Variants in USH2A observed in about 807,000 individuals in gnomAD.
USH2A encodes usherin.
Under a neutral mutation model 538.9 loss-of-function variants are expected in USH2A, and 443 were observed. The observed-to-expected ratio is 0.82, with a 90% CI of 0.76 to 0.89. The LOEUF is 0.89. Among genes scored for constraint, USH2A ranks in the 40% least tolerant of loss-of-function variants. USH2A has a pLI of 0.00. For missense variants in USH2A, 6,633 were observed against 6,324.8 expected, an observed-to-expected ratio of 1.05 and a Z score of -1.65; for synonymous variants, 2,413 against 2,273.5, an observed-to-expected ratio of 1.06 and a Z score of -1.75.
chr1:215,857,908 C>T (rs956133804), intron 44 of USH2A, among the ~76,000 whole-genome samples: 1 of 152,152 alleles, frequency 6.6e-6, no homozygotes, highest in South Asian at 2.1e-4. Context: ...GACTTCCCAT[C>T]CCACTGTAGC....
At chr1:216,245,470 TGAGA>T (rs10535828) in intron 13 of USH2A, among the ~76,000 whole-genome samples, 16,487 of 113,940 alleles carry the variant, frequency 0.14, 1,174 homozygotes, top group Non-Finnish European at 0.17. Context: ...AGTCCCCTTC[TGAGA>T]GAGAGAGAGA....
chr1:216,216,183 C>T (rs1049356922), intron 15 of USH2A, among the ~76,000 whole-genome samples: 20 of 151,986 alleles, frequency 1.3e-4, no homozygotes, highest in Admixed American at 2.6e-4. Context: ...CAATGAAGTC[C>T]AGATTTATGT....
intron 38 of USH2A, among the ~76,000 whole-genome samples, chr1:215,902,894 T>C (rs1665538429): frequency 6.6e-6 from 1 of 152,116 alleles, no homozygotes; most frequent in South Asian, 2.1e-4. Flanking sequence ...ATAGGAGTTG[T>C]AGCCTTCATA....
rs531432524 is a variant in USH2A at position 216,328,615 on chromosome 1, A to T, written c.785-961T>A. 9.8e-4 allele frequency among the ~76,000 whole-genome samples: 149 copies of T among 152,158 alleles called. 1 individual carries two copies. The highest frequency in any genetic ancestry group is 3.4e-3 in the African/African-American group (143 of 41,546). The stretch of plus-strand genomic sequence containing the variant: ...ACTCTGTCTTGATAGAGTTTTAAAG[A>T]ATGTTTGATTTATGTTTTCTGCTGC... On this transcript the variant is annotated intron_variant, in intron 4 of 71. Transcript: ENST00000307340.
intron 21 of USH2A, among the ~76,000 whole-genome samples, chr1:216,172,620 C>T (rs2034294113): frequency 6.6e-6 from 1 of 152,022 alleles, no homozygotes; most frequent in African/African-American, 2.4e-5. Context: ...GCCCATTTCA[C>T]ATAATGTTAT....
At chr1:216,219,402 G>A (rs1378611820) in intron 14 of USH2A, among the ~76,000 whole-genome samples, 1 of 151,950 alleles carries the variant, frequency 6.6e-6, no homozygotes, top group Non-Finnish European at 1.5e-5. Flanking sequence ...TTGTAATTAA[G>A]GATTAAGCAA....
chr1:216,400,529 T>C (rs2039288080), intron 3 of USH2A, among the ~76,000 whole-genome samples: 1 of 152,030 alleles, frequency 6.6e-6, no homozygotes, highest in Non-Finnish European at 1.5e-5. Flanking sequence ...CAAGAAAGAA[T>C]GTCTGAAAAT....
At chr1:216,282,000 T>A (rs959557812) in intron 11 of USH2A, among the ~76,000 whole-genome samples, 1 of 151,806 alleles carries the variant, frequency 6.6e-6, no homozygotes, top group African/African-American at 2.4e-5. Flanking sequence ...TAATTTTATA[T>A]CTTCCTTAGA....
intron 47 of USH2A, among the ~76,000 whole-genome samples, chr1:215,822,595 G>A (rs543296379): frequency 6.6e-6 from 1 of 151,888 alleles, no homozygotes; most frequent in East Asian, 1.9e-4. Flanking sequence ...ATCCCTTTCC[G>A]ATTTGGATGC....
intron 35 of USH2A, among the ~76,000 whole-genome samples, chr1:215,979,969 T>C (rs145132818): frequency 2.4e-4 from 37 of 152,164 alleles, no homozygotes; most frequent in African/African-American, 8.4e-4. Flanking sequence ...AAAATCTTAG[T>C]TGTGATATTG....
At chr1:215,630,388 A>G (rs1485311254) in intron 70 of USH2A, 5 of 407,362 alleles carry the variant, frequency 1.2e-5, no homozygotes, top group Non-Finnish European at 2.5e-5. Flanking sequence ...ATCCTAGGAT[A>G]CATACCTGCA....
intron 32 of USH2A, among the ~76,000 whole-genome samples, chr1:216,020,773 C>T (rs1184850740): frequency 6.6e-6 from 1 of 152,116 alleles, no homozygotes; most frequent in East Asian, 1.9e-4. Context: ...TCAATCATGC[C>T]TATGTCATGA....
intron 21 of USH2A, among the ~76,000 whole-genome samples, chr1:216,149,995 A>G (rs1336827367): frequency 6.6e-6 from 1 of 152,128 alleles, no homozygotes; most frequent in African/African-American, 2.4e-5. Flanking sequence ...TCTGAAGAAC[A>G]GTAATAACCC....
chr1:216,330,664 G>A (rs2037841623), intron 4 of USH2A, among the ~76,000 whole-genome samples: 2 of 152,002 alleles, frequency 1.3e-5, no homozygotes, highest in Admixed American at 1.3e-4. Context: ...AAGTCTAATA[G>A]CCTACTGTAA....
intron 7 of USH2A, among the ~76,000 whole-genome samples, 191 bp from the exon 8 acceptor site, chr1:216,323,886 C>A (rs1462046570): frequency 6.6e-6 from 1 of 152,024 alleles, no homozygotes; most frequent in Non-Finnish European, 1.5e-5. Context: ...AAAACAGTTC[C>A]TTGAAAACAT....
intron 16 of USH2A, among the ~76,000 whole-genome samples, chr1:216,206,038 T>A (rs1376929047): frequency 6.6e-6 from 1 of 152,194 alleles, no homozygotes; most frequent in Non-Finnish European, 1.5e-5. Flanking sequence ...CTGTGTTCTA[T>A]CTCTGCGGAA....
At chr1:216,040,360 T>C (rs757039756) in intron 32 of USH2A, among the ~76,000 whole-genome samples, 12 of 152,008 alleles carry the variant, frequency 7.9e-5, no homozygotes, top group Non-Finnish European at 1.3e-4. Flanking sequence ...TCCACAGCAA[T>C]GGCTTAGGTT....
At chr1:215,626,299 CTATA>C (rs539897950) in intron 71 of USH2A, among the ~76,000 whole-genome samples, 53 of 148,062 alleles carry the variant, frequency 3.6e-4, no homozygotes, top group South Asian at 2.1e-4. Context: ...TATATATACA[CTATA>C]TATATATATG....
chr1:215,861,978 T>C (rs1664329905), intron 44 of USH2A, among the ~76,000 whole-genome samples: 2 of 151,480 alleles, frequency 1.3e-5, no homozygotes, highest in African/African-American at 4.9e-5. Flanking sequence ...TAGCTGGGAC[T>C]ACAGGCATGC....
Sources: allele counts gnomAD v4.1 joint callset (sites outside exome capture counted in the v4.1 genomes callset), GRCh38; gene constraint gnomAD v4.1.1; transcripts MANE v1.5; gene names NCBI Gene and HGNC (gene_info 2026-07-23, HGNC 2026-07-21).